The following ETV7 variants were observed in gnomAD, a reference collection of about 807,000 sequenced individuals.
ETV7 encodes ETS variant transcription factor 7.
A neutral mutation model predicts 39.1 loss-of-function variants in ETV7; 43 were observed. That is an observed-to-expected ratio of 1.10 (90% CI 0.86 to 1.42). ETV7 has a LOEUF of 1.42. ETV7 is among the 40% of genes most tolerant of loss of function. The pLI, the probability that ETV7 is intolerant of heterozygous loss-of-function variation, is 0.00. For missense variants in ETV7, 432 were observed against 442.3 expected (o/e 0.98, Z 0.21); for synonymous variants, 196 against 176.6 (o/e 1.11, Z -0.87).
chr6:36,371,557 A>G lies in ETV7; in HGVS notation c.437T>C (p.Val146Ala), dbSNP rs1390563123. 1 of 1,581,138 alleles carries G rather than the reference A, an allele frequency of 6.3e-7. No individual in the cohort carries two copies. Residue 146 changes from valine to alanine, a missense_variant, in exon 5 of 8, where the codon GTG becomes GCG. Coordinates refer to ENST00000340181, the MANE Select transcript of ETV7 (RefSeq NM_016135.4). ...GGTGTCCATCTGAGAGGGGCCAGTCACCTCTGCAAGCAGATGAGCACCAGT... is the reference window on the plus strand; with the variant it reads ...GGTGTCCATCTGAGAGGGGCCAGTCGCCTCTGCAAGCAGATGAGCACCAGT... ...TQHSPVPPEEVTGPSQMDTRR... is the reference protein window; with the variant it reads ...TQHSPVPPEEATGPSQMDTRR...
chr6:36,364,583 G>C (rs892353271), downstream of ETV7, among the ~76,000 whole-genome samples: 16 of 152,224 alleles, frequency 1.1e-4, no homozygotes, highest in African/African-American at 3.4e-4. Flanking sequence ...CAAGCGCCGC[G>C]CACAGCCCCA....
chr6:36,362,224 C>A (rs971399949), downstream of ETV7, among the ~76,000 whole-genome samples: 2 of 152,104 alleles, frequency 1.3e-5, no homozygotes, highest in African/African-American at 4.8e-5. Context: ...ATGGCGTGAA[C>A]CCGGGAGGCA....
At chr6:36,376,752 G>A (rs950811651) in intron 2 of ETV7, among the ~76,000 whole-genome samples, 1 of 151,052 alleles carries the variant, frequency 6.6e-6, no homozygotes, top group African/African-American at 2.4e-5. Flanking sequence ...CTCCAGCCTG[G>A]GCGACAGAGC....
At chr6:36,355,935 C>G (rs1772323940) in intron 7 of ETV7, among the ~76,000 whole-genome samples, 1 of 152,178 alleles carries the variant, frequency 6.6e-6, no homozygotes, top group African/African-American at 2.4e-5. Context: ...GAACTCTCCT[C>G]CTACGACAGA....
At chr6:36,376,444 A>G (rs1582206105) in intron 2 of ETV7, among the ~76,000 whole-genome samples, 2 of 152,220 alleles carry the variant, frequency 1.3e-5, no homozygotes, top group African/African-American at 4.8e-5. Flanking sequence ...CAGAAAACAC[A>G]TGTTGAGTGA....
Position 36,371,325 on chromosome 6 carries a change from C to T in ETV7, c.664+5G>A, listed in dbSNP as rs1221382708. The T allele has an allele frequency of 3.8e-6, 6 of 1,576,508 alleles. No homozygotes were observed. The highest frequency in any genetic ancestry group is 5.2e-6 in the Non-Finnish European group (6 of 1,159,994). On this transcript the variant is annotated splice_donor_5th_base_variant and intron_variant, in intron 5 of 7. Coordinates refer to ENST00000340181, the MANE Select transcript of ETV7 (RefSeq NM_016135.4). ...CCATGGCCAGAGGAACAGCCTCCCA[C>T]TCACCAGCGATCCTGCCGTCAATGG...
downstream of ETV7, among the ~76,000 whole-genome samples, chr6:36,362,766 C>T (rs549811527): frequency 4.6e-4 from 70 of 152,184 alleles, no homozygotes; most frequent in Non-Finnish European, 8.8e-4. Flanking sequence ...CATGCCTGCT[C>T]TCCTAGTAGC....
At position 36,387,660 on chromosome 6, in the gene ETV7, C is replaced by T; in HGVS notation, c.-119G>A. The T allele has an allele frequency of 8.6e-7, 1 of 1,166,856 alleles. No homozygotes were observed. Among genetic ancestry groups the T allele is most frequent in the South Asian group, 1.3e-5 (1 of 77,150 alleles). 72.3% of individuals were successfully genotyped at this position (1,166,856 alleles called of 1,614,324 possible). ...CTCCGCCAAACCCCTAACCTGGCTC[C>T]GAGAACTGGAAGGTCGCGTGGGAGG... On this transcript the variant is annotated 5_prime_UTR_variant, in exon 1 of 8. Transcript: ENST00000340181.
chr6:36,375,556 C>T (rs2071797), intron 3 of ETV7, among the ~76,000 whole-genome samples: 12,772 of 152,088 alleles, frequency 0.084, 1,033 homozygotes, highest in Admixed American at 0.26. Context: ...GTAGGGGTAG[C>T]GGGTGGGAGG....
At chr6:36,386,590 A>ATT (rs1431515166) in intron 1 of ETV7, among the ~76,000 whole-genome samples, 11 of 152,116 alleles carry the variant, frequency 7.2e-5, no homozygotes, top group Admixed American at 2.0e-4. Flanking sequence ...CCATCAAGTC[A>ATT]TTTTTCACTC....
chr6:36,358,219 C>T (rs569741862), intron 7 of ETV7, among the ~76,000 whole-genome samples: 1 of 152,324 alleles, frequency 6.6e-6, no homozygotes, highest in South Asian at 2.1e-4. Context: ...GACATGTCTT[C>T]CTCACTTAAA....
At chr6:36,384,843 C>A (rs2127404166) in intron 2 of ETV7, among the ~76,000 whole-genome samples, 1 of 152,134 alleles carries the variant, frequency 6.6e-6, no homozygotes, top group South Asian at 2.1e-4. Flanking sequence ...GAGCTGAGGT[C>A]ACATCACTGC....
chr6:36,386,588 T>A (rs770106404), intron 1 of ETV7, among the ~76,000 whole-genome samples: 5 of 152,188 alleles, frequency 3.3e-5, no homozygotes, highest in Non-Finnish European at 7.3e-5. Context: ...CTCCATCAAG[T>A]CATTTTTCAC....
At chr6:36,374,942 G>A (rs1219557678) in intron 3 of ETV7, among the ~76,000 whole-genome samples, 3 of 151,978 alleles carry the variant, frequency 2.0e-5, no homozygotes, top group East Asian at 1.9e-4. Flanking sequence ...GGTGGCAGGC[G>A]CCTGTAATCC....
intron 7 of ETV7, among the ~76,000 whole-genome samples, chr6:36,356,729 A>G (rs970676578): frequency 6.6e-6 from 1 of 152,238 alleles, no homozygotes; most frequent in Admixed American, 6.5e-5. Flanking sequence ...GGACACTGTG[A>G]TGGAGTAGGA....
chr6:36,354,500 T>TG, exon 8 of ETV7: 1 of 533,644 alleles, frequency 1.9e-6, no homozygotes, highest in Non-Finnish European at 3.3e-6. Flanking sequence ...CACTATTTGT[T>TG]GAAAAAACTG....
Position 36,375,888 on chromosome 6 carries a change from T to C in ETV7, c.290A>G (p.His97Arg), listed in dbSNP as rs1208214723. Residue 97 changes from histidine to arginine, a missense_variant, in exon 3 of 8, where the codon CAC (histidine) becomes CGC (arginine). Physicochemically the swap from His to Arg is conservative, Grantham distance 29. Transcript: ENST00000340181. ...TCCCTGACCTGAGCTGGGCGCACGG[T>C]GCCGGAAGTCGTCCTTGGTGAGGAT... Reference protein sequence around the residue: ...LCILTKDDFRHRAPSSGDVLY... With the variant: ...LCILTKDDFRRRAPSSGDVLY... 3 of 1,613,990 alleles carry C rather than the reference T, an allele frequency of 1.9e-6. No homozygotes were observed. The highest frequency in any genetic ancestry group is 2.5e-6 in the Non-Finnish European group (3 of 1,180,042).
intron 6 of ETV7, among the ~76,000 whole-genome samples, chr6:36,367,597 A>AAT (rs755594792): frequency 3.7e-4 from 56 of 152,214 alleles, no homozygotes; most frequent in Middle Eastern, 6.8e-3. Flanking sequence ...GTAACAAATA[A>AAT]ATATATATAT....
At chr6:36,359,262 C>G (rs1772414528) in intron 7 of ETV7, among the ~76,000 whole-genome samples, 1 of 152,078 alleles carries the variant, frequency 6.6e-6, no homozygotes, top group Non-Finnish European at 1.5e-5. Context: ...ACCAGCCTGA[C>G]CAACATGGAG....
Sources: gnomAD v4.1 joint callset for allele counts (sites outside exome capture counted in the v4.1 genomes callset) on GRCh38, gnomAD v4.1.1 for gene constraint, MANE v1.5 for transcripts, NCBI Gene and HGNC (gene_info 2026-07-23, HGNC 2026-07-21) for gene names.